The following TNFRSF1A variants were observed in gnomAD, a reference collection of about 807,000 sequenced individuals.
TNFRSF1A encodes tumor necrosis factor receptor superfamily member 1A.
In TNFRSF1A, 9 loss-of-function variants were observed where a neutral mutation model predicts 41.6. That is an observed-to-expected ratio of 0.22 (90% CI 0.13 to 0.38). TNFRSF1A has a LOEUF of 0.38. Ranked by LOEUF, TNFRSF1A falls within the 10% of genes least tolerant of loss-of-function variation. The pLI is 1.00. For missense variants in TNFRSF1A, 463 were observed against 591.5 expected (o/e 0.78, Z 2.25); for synonymous variants, 254 against 248.6 (o/e 1.02, Z -0.21).
chr12:6,329,217 G>A lies in TNFRSF1A; in HGVS notation c.*95C>T. 1.6e-6 allele frequency: 2 copies of A among 1,259,568 alleles called. No homozygotes were observed. The highest frequency in any genetic ancestry group is 1.8e-5 in the South Asian group (1 of 54,158). 78.0% of individuals were successfully genotyped at this position (1,259,568 alleles called of 1,614,324 possible). A position where few individuals can be genotyped will look rare whatever the true frequency, so the allele number is the denominator to read the frequency against. ...ACCAAGTAGGCGGCTGCTAGCTCCTGCTTGCCCCTGCAGGACCCCTCCTTT... is the reference window on the plus strand; with the variant it reads ...ACCAAGTAGGCGGCTGCTAGCTCCTACTTGCCCCTGCAGGACCCCTCCTTT... On this transcript the variant is annotated 3_prime_UTR_variant, in exon 10 of 10. Transcript: ENST00000162749.
rs888236347 is a variant in TNFRSF1A at position 6,341,241 on chromosome 12, C to T, written c.39+535G>A. ...GCATCCCAAACCCACCACACCAGCCCATCCCCACTCCTCAACTCACTCCCC... is the reference window on the plus strand; with the variant it reads ...GCATCCCAAACCCACCACACCAGCCTATCCCCACTCCTCAACTCACTCCCC... On this transcript the variant is annotated intron_variant, in intron 1 of 9. Transcript: ENST00000162749. The surrounding 1 kb of genome is among the most constrained non-coding windows in gnomAD (Gnocchi z 4.6). Among the ~76,000 whole-genome samples, 2 of 152,142 alleles carry T rather than the reference C, an allele frequency of 1.3e-5. No individual in the cohort carries two copies. Among genetic ancestry groups the T allele is most frequent in the Non-Finnish European group, 2.9e-5 (2 of 68,012 alleles).
chr12:6,330,472 C>T (rs778569575), intron 7 of TNFRSF1A, 126 bp downstream of exon 7: 62 of 990,288 alleles, frequency 6.3e-5, no homozygotes, highest in Non-Finnish European at 9.4e-5. Flanking sequence ...CCACCTTCTG[C>T]CCAGAGTCCC....
rs1298429488 is a variant in TNFRSF1A, at chr12:6,334,004, C to A, written c.193+87G>T. 10 of 1,611,298 alleles carry A rather than the reference C, an allele frequency of 6.2e-6. No individual in the cohort carries two copies. The Admixed American group carries it at 1.5e-4, about 24-fold the overall frequency. On this transcript the variant is annotated intron_variant, in intron 2 of 9. Transcript: ENST00000162749. This position sits in a 1 kb window ranked among gnomAD's most constrained non-coding sequence, Gnocchi z 5.1. ...GAAAATCCCAGCCCAGGAGAGACAG[C>A]AAAGTTAGGGAAGAACAACTGGAAG...
Position 6,334,257 on chromosome 12 carries a change from C to T in TNFRSF1A, c.40-13G>A. The T allele has an allele frequency of 6.2e-7, 1 of 1,610,930 alleles. No homozygotes were observed. Among genetic ancestry groups the T allele is most frequent in the African/African-American group, 1.3e-5 (1 of 74,950 alleles). The stretch of plus-strand genomic sequence containing the variant: ...GCTCCAGGAGCACCTGGGGAAGAAT[C>T]AGATAGAGGAGACACCATCAAGAGA... On this transcript the variant is annotated splice_polypyrimidine_tract_variant and intron_variant, in intron 1 of 9. Transcript: ENST00000162749. The surrounding 1 kb of genome is among the most constrained non-coding windows in gnomAD (Gnocchi z 5.1).
rs199876125 is a variant in TNFRSF1A at position 6,329,012 on chromosome 12, C to T, written c.*300G>A. On this transcript the variant is annotated 3_prime_UTR_variant, in exon 10 of 10. Coordinates refer to ENST00000162749, the MANE Select transcript of TNFRSF1A (RefSeq NM_001065.4). ...AAAAGGCTCAGGGACGAACCAGGGG[C>T]CCCCGAGCAGCCTTGCTGGTGAGGA... 11 of 384,164 alleles carry T rather than the reference C, an allele frequency of 2.9e-5. No individual in the cohort carries two copies. The highest frequency in any genetic ancestry group is 8.3e-5 in the African/African-American group (4 of 48,408). The allele number at this position is 384,164 out of a possible 1,614,324, so 23.8% of individuals were successfully genotyped here.
intron 5 of TNFRSF1A, chr12:6,331,724 C>A (rs1948052008): frequency 6.1e-6 from 1 of 163,540 alleles, no homozygotes; most frequent in African/African-American, 2.4e-5. Context: ...AGAGATGAAG[C>A]CGGCTGGGTG....
At position 6,333,220 on chromosome 12, in the gene TNFRSF1A, G is replaced by A. The variant is rs151055389; in HGVS notation, c.473-73C>T. The A allele has an allele frequency of 4.6e-5, 72 of 1,567,450 alleles. No homozygotes were observed. The highest frequency in any genetic ancestry group is 5.4e-5 in the Non-Finnish European group (62 of 1,142,598). On this transcript the variant is annotated intron_variant, in intron 4 of 9. Transcript: ENST00000162749. This position sits in a 1 kb window ranked among gnomAD's most constrained non-coding sequence, Gnocchi z 6.3. ...CACCCCACAGGACAGAGGAAGTGAC[G>A]AGGGACAGGGTGGGGGCGGCCAGAG...
rs749076953 is a variant in TNFRSF1A, at chr12:6,330,586, G to A, written c.739+12C>T. On this transcript the variant is annotated intron_variant, in intron 7 of 9. Coordinates refer to ENST00000162749, the MANE Select transcript of TNFRSF1A (RefSeq NM_001065.4). ...CCACCAGCTCCCTCTCCCTCCCAAAGCCCCCACTCACCAATGGAGTAGAGC... is the reference window on the plus strand; with the variant it reads ...CCACCAGCTCCCTCTCCCTCCCAAAACCCCCACTCACCAATGGAGTAGAGC... 3 of 1,592,898 alleles carry A rather than the reference G, an allele frequency of 1.9e-6. No homozygotes were observed. The highest frequency in any genetic ancestry group is 1.7e-5 in the Admixed American group (1 of 59,762).
At position 6,329,266 on chromosome 12, in the gene TNFRSF1A, G is replaced by A; in HGVS notation, c.*46C>T. The stretch of plus-strand genomic sequence containing the variant: ...TTCCAGAAAAAAGTGGGGTTGGAAG[G>A]CGATCTCGCAGGACGGTCCTTAGAG... On this transcript the variant is annotated 3_prime_UTR_variant, in exon 10 of 10. Coordinates refer to ENST00000162749, the MANE Select transcript of TNFRSF1A (RefSeq NM_001065.4). The A allele has an allele frequency of 7.0e-7, 1 of 1,426,964 alleles. No individual in the cohort carries two copies. Among genetic ancestry groups the A allele is most frequent in the Non-Finnish European group, 9.1e-7 (1 of 1,096,822 alleles). The allele number at this position is 1,426,964 out of a possible 1,614,324, so 88.4% of individuals were successfully genotyped here.
intron 1 of TNFRSF1A, among the ~76,000 whole-genome samples, chr12:6,340,161 G>T (rs1273434585): frequency 6.6e-6 from 1 of 152,160 alleles, no homozygotes; most frequent in Non-Finnish European, 1.5e-5. Flanking sequence ...TCCCCTGATG[G>T]ACTGTCAAAG....
Position 6,333,599 on chromosome 12 carries a change from C to G in TNFRSF1A, c.323-83G>C. 1.9e-6 allele frequency: 3 copies of G among 1,595,284 alleles called. No homozygotes were observed. Among genetic ancestry groups the G allele is most frequent in the Non-Finnish European group, 2.6e-6 (3 of 1,167,250 alleles). On this transcript the variant is annotated intron_variant, in intron 3 of 9. Coordinates refer to ENST00000162749, the MANE Select transcript of TNFRSF1A (RefSeq NM_001065.4). This position sits in a 1 kb window ranked among gnomAD's most constrained non-coding sequence, Gnocchi z 6.3. ...TCCTGACATACCCCTAAGTGTGTGT[C>G]TCTGTAATACACACTCACATCCATG...
intron 9 of TNFRSF1A, 61 bp from the exon 10 acceptor site, chr12:6,329,683 C>T (rs2136813425): frequency 6.5e-7 from 1 of 1,530,132 alleles, no homozygotes; most frequent in Non-Finnish European, 8.8e-7. Flanking sequence ...CCGCATCCCG[C>T]GCCCTCCGCC....
chr12:6,332,276 CA>C (rs1392787053), intron 5 of TNFRSF1A, among the ~76,000 whole-genome samples: 1 of 151,674 alleles, frequency 6.6e-6, no homozygotes, highest in Non-Finnish European at 1.5e-5. Flanking sequence ...CCTGTCTCTA[CA>C]AAAAGTAAAA....
At position 6,333,944 on chromosome 12, in the gene TNFRSF1A, C is replaced by G. The variant is rs573219734; in HGVS notation, c.194-79G>C. The G allele has an allele frequency of 3.3e-5, 53 of 1,605,576 alleles. No individual in the cohort carries two copies. The highest frequency in any genetic ancestry group is 4.5e-5 in the Non-Finnish European group (53 of 1,175,484). On this transcript the variant is annotated intron_variant, in intron 2 of 9. Coordinates refer to ENST00000162749, the MANE Select transcript of TNFRSF1A (RefSeq NM_001065.4). The surrounding 1 kb of genome is among the most constrained non-coding windows in gnomAD (Gnocchi z 6.3). ...CCATGCTAGGGACAACAGCCAGGGC[C>G]GATTCCCTGAAGTCTCTAGGAGAGG...
Position 6,333,087 on chromosome 12 carries a change from T to A in TNFRSF1A, c.533A>T (p.Glu178Val), listed in dbSNP as rs997425847. Reference sequence around the variant, plus strand: ...TACTCACTTACTACAGGAGACACACTCGTTTTCTCTTAGAAAGAAACCTGC... The same window carrying A: ...TACTCACTTACTACAGGAGACACACACGTTTTCTCTTAGAAAGAAACCTGC... ...CHAGFFLREN[E>V]CVSCSNCKKS... The change falls in exon 5 of 10, where the codon GAG becomes GTG. Residue 178 changes from glutamate to valine, a missense_variant. Around this residue, in one of 4 missense-constraint regions of TNFRSF1A, gnomAD observed 149 missense variants for 239.4 expected, o/e 0.62. Transcript: ENST00000162749. This position sits in a 1 kb window ranked among gnomAD's most constrained non-coding sequence, Gnocchi z 6.3. 3 of 1,614,044 alleles carry A rather than the reference T, an allele frequency of 1.9e-6. No homozygotes were observed. The African/African-American group carries it at 4.0e-5, about 22-fold the overall frequency.
At chr12:6,329,747 C>A (rs1245045511) in intron 9 of TNFRSF1A, 31 bp downstream of exon 9, 1 of 1,584,320 alleles carries the variant, frequency 6.3e-7, no homozygotes, top group Admixed American at 1.8e-5. Flanking sequence ...CTCCCCCAGC[C>A]TCCTCGTCTC....
intron 1 of TNFRSF1A, among the ~76,000 whole-genome samples, chr12:6,336,984 C>A (rs958364012): frequency 2.6e-5 from 4 of 152,352 alleles, no homozygotes; most frequent in Non-Finnish European, 5.9e-5. Flanking sequence ...CCTCCCCAAG[C>A]CCACTGGCAA....
intron 1 of TNFRSF1A, among the ~76,000 whole-genome samples, chr12:6,339,837 TCTCTCACACACA>T (rs1412002090): frequency 9.2e-6 from 1 of 108,766 alleles, no homozygotes; most frequent in African/African-American, 4.7e-5. Context: ...TCTCTCTCTC[TCTCTCACACACA>T]CACACACACA....
Position 6,330,865 on chromosome 12 carries a change from T to G in TNFRSF1A, c.613A>C (p.Thr205Pro). ...CACTTCTCCTCACCTGAGTCCTCAG[T>G]GCCCTTAACATTCTCAATCTGGGGT... ...CLPQIENVKG[T>P]EDSGTTVLLP... Residue 205 changes from threonine (T) to proline (P), a missense_variant, in exon 6 of 10, where the codon ACT becomes CCT. Physicochemically the swap from Thr to Pro is conservative, Grantham distance 38. Transcript: ENST00000162749. 6.2e-7 allele frequency: 1 copy of G among 1,613,816 alleles called. No individual in the cohort carries two copies. Among genetic ancestry groups the G allele is most frequent in the Non-Finnish European group, 8.5e-7 (1 of 1,180,018 alleles).
Sources: allele counts gnomAD v4.1 joint callset (sites outside exome capture counted in the v4.1 genomes callset), GRCh38; gene constraint gnomAD v4.1.1; regional missense constraint gnomAD v4.1.1; non-coding constraint Gnocchi (gnomAD v3.1); transcripts MANE v1.5; gene names NCBI Gene and HGNC (gene_info 2026-07-23, HGNC 2026-07-21).